Variants in HOXA3 observed in about 807,000 individuals in gnomAD.
HOXA3 encodes homeobox A3, also known as homeobox protein Hox-A3.
HOXA3 carries 8 observed loss-of-function variants against 30.3 expected under a neutral mutation model. The observed-to-expected ratio is 0.26, with a 90% CI of 0.15 to 0.48. The LOEUF is 0.48. Among genes scored for constraint, HOXA3 ranks in the 20% least tolerant of loss-of-function variants. The pLI is 0.99. For missense variants in HOXA3, 653 were observed against 614.4 expected (o/e 1.06, Z -0.66); for synonymous variants, 323 against 273.1 (o/e 1.18, Z -1.80).
chr7:27,115,043 A>C (rs1784638779), intron 4 of HOXA3, among the ~76,000 whole-genome samples: 1 of 15,484 alleles, frequency 6.5e-5, no homozygotes, highest in Non-Finnish European at 2.1e-4. Flanking sequence ...CAAGGGTACG[A>C]GTGTGGCAAA....
intron 2 of HOXA3, among the ~76,000 whole-genome samples, 170 bp from the exon 3 acceptor site, chr7:27,127,240 C>T (rs974658583): frequency 5.3e-5 from 8 of 152,210 alleles, no homozygotes; most frequent in Non-Finnish European, 1.2e-4. Flanking sequence ...CACCCGTTCA[C>T]ACCTTATAAA....
chr7:27,138,907 A>G (rs987114177), intron 2 of HOXA3, among the ~76,000 whole-genome samples: 16 of 152,244 alleles, frequency 1.1e-4, no homozygotes, highest in Admixed American at 7.8e-4. Flanking sequence ...AAACAACCTA[A>G]TGGCTCTGGG....
chr7:27,136,549 T>C (rs1457069374), intron 2 of HOXA3, among the ~76,000 whole-genome samples: 2 of 152,094 alleles, frequency 1.3e-5, no homozygotes, highest in Non-Finnish European at 1.5e-5. Context: ...AGCGGGTGAA[T>C]TGACTGTGAA....
At chr7:27,111,054 G>C (rs1047079355) in intron 4 of HOXA3, among the ~76,000 whole-genome samples, 7 of 152,186 alleles carry the variant, frequency 4.6e-5, no homozygotes, top group Non-Finnish European at 8.8e-5. Flanking sequence ...AGGCTTGATA[G>C]GCTAGAAAGG....
chr7:27,146,885 G>A (rs1238779439), intron 1 of HOXA3, among the ~76,000 whole-genome samples: 1 of 152,232 alleles, frequency 6.6e-6, no homozygotes, highest in Non-Finnish European at 1.5e-5. Flanking sequence ...ACGGGTTTCT[G>A]AAGGGCAGAA....
intron 2 of HOXA3, chr7:27,129,970 A>T: frequency 1.1e-6 from 1 of 878,836 alleles, no homozygotes; most frequent in Non-Finnish European, 1.7e-6. Context: ...GCTGGCGCGC[A>T]CATACCCACA....
intron 1 of HOXA3, chr7:27,143,742 A>C: frequency 7.0e-7 from 1 of 1,419,344 alleles, no homozygotes; most frequent in Non-Finnish European, 9.2e-7. Context: ...GCACCCAAAT[A>C]TGGGGTACGA....
intron 4 of HOXA3, chr7:27,121,252 T>TGTGC (rs1210603191): frequency 6.6e-6 from 1 of 152,160 alleles, no homozygotes; most frequent in Non-Finnish European, 1.5e-5. Flanking sequence ...TGTGTGTGTG[T>TGTGC]GTGTGTGTGT....
intron 2 of HOXA3, chr7:27,130,843 C>T: frequency 4.6e-6 from 5 of 1,097,330 alleles, no homozygotes; most frequent in Non-Finnish European, 6.7e-6. Context: ...TCCTCTGCGC[C>T]CTTCCCCTCC....
At chr7:27,111,888 T>TG (rs2128041395) in intron 4 of HOXA3, among the ~76,000 whole-genome samples, 2 of 152,328 alleles carry the variant, frequency 1.3e-5, no homozygotes, top group African/African-American at 4.8e-5. Flanking sequence ...GGGGGTCATT[T>TG]GGCTCCCGAC....
chr7:27,140,448 A>G (rs757954222), intron 1 of HOXA3: 7 of 152,244 alleles, frequency 4.6e-5, no homozygotes, highest in Non-Finnish European at 1.0e-4. Flanking sequence ...TTTAAAAGGA[A>G]AGACGGCATC....
chr7:27,129,437 T>G (rs6976847), intron 2 of HOXA3: 10 of 1,614,090 alleles, frequency 6.2e-6, no homozygotes, highest in Non-Finnish European at 8.5e-6. Flanking sequence ...AAACAGAGCG[T>G]GTGGGCGATC....
intron 2 of HOXA3, among the ~76,000 whole-genome samples, chr7:27,135,587 A>G (rs1268529606): frequency 1.3e-5 from 2 of 152,166 alleles, no homozygotes; most frequent in African/African-American, 2.4e-5. Context: ...CAAAGATTAT[A>G]TTTTGCAAGA....
intron 5 of HOXA3, among the ~76,000 whole-genome samples, chr7:27,109,098 A>G (rs947838792): frequency 6.6e-6 from 1 of 152,162 alleles, no homozygotes; most frequent in Non-Finnish European, 1.5e-5. Context: ...AGTAACTGAA[A>G]TGTGGGAAAC....
At chr7:27,149,981 C>T (rs1443885559) in intron 1 of HOXA3, 1 of 152,132 alleles carries the variant, frequency 6.6e-6, no homozygotes, top group Non-Finnish European at 1.5e-5. Flanking sequence ...CATGCCTTGA[C>T]CAGGATTCTC....
intron 1 of HOXA3, chr7:27,145,634 C>T: frequency 6.2e-7 from 1 of 1,605,678 alleles, no homozygotes; most frequent in East Asian, 2.2e-5. Flanking sequence ...GGTTGCAGCG[C>T]TGGCCTGGTC....
At chr7:27,145,753 A>C (rs1782736634) in intron 1 of HOXA3, 1 of 1,614,094 alleles carries the variant, frequency 6.2e-7, no homozygotes, top group Admixed American at 1.7e-5. Flanking sequence ...CGGTTCTGGA[A>C]CCAGATCTTG....
intron 2 of HOXA3, among the ~76,000 whole-genome samples, chr7:27,139,093 T>C (rs539350672): frequency 2.6e-5 from 4 of 152,054 alleles, no homozygotes; most frequent in Non-Finnish European, 5.9e-5. Context: ...TTTTTAATTC[T>C]ACAAAGAAGG....
At chr7:27,130,887 G>A (rs1439313301) in intron 2 of HOXA3, 8 of 628,452 alleles carry the variant, frequency 1.3e-5, no homozygotes, top group Non-Finnish European at 2.0e-5. Context: ...TCCCCCTCCC[G>A]CAGACGCCGC....
Sources: gnomAD v4.1 joint callset for allele counts (sites outside exome capture counted in the v4.1 genomes callset) on GRCh38, gnomAD v4.1.1 for gene constraint, MANE v1.5 for transcripts, NCBI Gene and HGNC (gene_info 2026-07-23, HGNC 2026-07-21) for gene names.